Variants in FAM184A observed in about 807,000 individuals in gnomAD.
FAM184A encodes the protein family with sequence similarity 184 member A, also known as protein FAM184A.
A neutral mutation model predicts 143.8 loss-of-function variants in FAM184A; 99 were observed. That is an observed-to-expected ratio of 0.69 (90% confidence interval 0.58 to 0.81). The LOEUF (loss-of-function observed/expected upper bound fraction) is 0.81, where lower values mean the gene tolerates loss of function less well. FAM184A is among the 40% of genes least tolerant of loss of function. FAM184A has a pLI of 0.00. For missense variants in FAM184A, 1,217 were observed against 1,310.5 expected (o/e 0.93, Z 1.10); for synonymous variants, 427 against 446.4 (o/e 0.96, Z 0.55).
intron 1 of FAM184A, among the ~76,000 whole-genome samples, chr6:119,127,891 C>G (rs1453767404): frequency 6.6e-6 from 1 of 152,206 alleles, no homozygotes; most frequent in Non-Finnish European, 1.5e-5. Flanking sequence ...TTGTGTCAAA[C>G]ACTGTGTTAA....
intron 2 of FAM184A, 85 bp downstream of exon 2, chr6:119,023,869 CTAAGT>C: frequency 1.0e-6 from 1 of 993,454 alleles, no homozygotes; most frequent in Non-Finnish European, 1.4e-6. Context: ...GCCACTGATT[CTAAGT>C]GGGCCAGACT....
At chr6:119,031,286 C>T (rs190115735) in intron 1 of FAM184A, 11 of 152,232 alleles carry the variant, frequency 7.2e-5, no homozygotes, top group Admixed American at 2.6e-4. Context: ...TATTTGGAGA[C>T]GGGACCTTTG....
chr6:118,997,665 C>T (rs1247902260), intron 9 of FAM184A, among the ~76,000 whole-genome samples: 1 of 151,968 alleles, frequency 6.6e-6, no homozygotes, highest in East Asian at 1.9e-4. Flanking sequence ...AACTGCACTT[C>T]AGCCTGGGTG....
intron 15 of FAM184A, 72 bp from the exon 16 acceptor site, chr6:118,964,843 G>A (rs561843233): frequency 3.2e-5 from 24 of 750,290 alleles, no homozygotes; most frequent in Middle Eastern, 3.9e-4. Context: ...ATGTATAAAC[G>A]CCATTTCATT....
chr6:119,091,545 G>A (rs1425940621), intron 1 of FAM184A, among the ~76,000 whole-genome samples: 1 of 152,160 alleles, frequency 6.6e-6, no homozygotes, highest in Non-Finnish European at 1.5e-5. Flanking sequence ...GTCTTGTTGT[G>A]CCTCCTTCAC....
chr6:119,062,649 G>C (rs893409867), intron 1 of FAM184A, among the ~76,000 whole-genome samples: 2 of 152,066 alleles, frequency 1.3e-5, no homozygotes, highest in African/African-American at 4.8e-5. Flanking sequence ...GACAGAGAGA[G>C]ACCCTATCTC....
intron 1 of FAM184A, among the ~76,000 whole-genome samples, chr6:119,034,019 A>AAATATAT (rs1562482530): frequency 3.1e-5 from 2 of 63,532 alleles, no homozygotes; most frequent in Non-Finnish European, 5.3e-5. Flanking sequence ...AAAAAAAAAA[A>AAATATAT]ATATATATAT....
At chr6:119,031,705 T>C (rs7740819) in intron 1 of FAM184A, among the ~76,000 whole-genome samples, 19,547 of 152,228 alleles carry the variant, frequency 0.13, 1,466 homozygotes, top group Non-Finnish European at 0.17. Context: ...TGATATATAT[T>C]AGCTTAGTAA....
intron 5 of FAM184A, among the ~76,000 whole-genome samples, chr6:119,015,597 G>A (rs1785219713): frequency 1.3e-5 from 2 of 152,220 alleles, no homozygotes; most frequent in Non-Finnish European, 2.9e-5. Context: ...CGCCATGCCT[G>A]AGCCTTCCCC....
chr6:119,019,928 G>C (rs1401705500), intron 4 of FAM184A, 50 bp downstream of exon 4: 1 of 1,432,420 alleles, frequency 7.0e-7, no homozygotes, highest in Non-Finnish European at 9.3e-7. Flanking sequence ...ATGTGAAAAA[G>C]AGAAAAACGG....
chr6:119,093,932 GA>G (rs1178352422), intron 1 of FAM184A, among the ~76,000 whole-genome samples: 1 of 151,882 alleles, frequency 6.6e-6, no homozygotes, highest in Admixed American at 6.6e-5. Context: ...ATTGAATTTG[GA>G]GCTTGAATTT....
chr6:119,142,336 T>C (rs1015316062), intron 1 of FAM184A, among the ~76,000 whole-genome samples: 1 of 152,158 alleles, frequency 6.6e-6, no homozygotes, highest in Non-Finnish European at 1.5e-5. Context: ...CTGTTTCTTC[T>C]AGGACAAGGA....
At chr6:119,030,796 C>T (rs1455749673) in intron 1 of FAM184A, among the ~76,000 whole-genome samples, 1 of 151,688 alleles carries the variant, frequency 6.6e-6, no homozygotes, top group Non-Finnish European at 1.5e-5. Flanking sequence ...CTTAAAGTCT[C>T]TTTTCATAAA....
intron 1 of FAM184A, among the ~76,000 whole-genome samples, chr6:119,025,231 T>C (rs1009585339): frequency 6.6e-6 from 1 of 152,146 alleles, no homozygotes; most frequent in Non-Finnish European, 1.5e-5. Flanking sequence ...TATATTGGTG[T>C]CCTAGAGATA....
chr6:119,136,592 T>C (rs1289358770), intron 1 of FAM184A, among the ~76,000 whole-genome samples: 1 of 152,194 alleles, frequency 6.6e-6, no homozygotes, highest in Non-Finnish European at 1.5e-5. Flanking sequence ...TTCATTAAAT[T>C]GAAGAAGCAA....
At chr6:119,061,531 C>CTTTTTTTTTTTTTTTTTTTTTTTTTT (rs977029986) in intron 1 of FAM184A, among the ~76,000 whole-genome samples, 2 of 58,532 alleles carry the variant, frequency 3.4e-5, no homozygotes, top group Non-Finnish European at 6.4e-5. Flanking sequence ...AATTATTTTT[C>CTTTTTTTTTTTTTTTTTTTTTTTTTT]TTTTTTTTTT....
intron 1 of FAM184A, among the ~76,000 whole-genome samples, chr6:119,128,502 AG>A (rs1789434498): frequency 1.3e-5 from 2 of 152,198 alleles, no homozygotes; most frequent in African/African-American, 4.8e-5. Context: ...ATGATTAAGC[AG>A]GGGCTCTGTG....
At chr6:119,061,215 T>C (rs1055663361) in intron 1 of FAM184A, among the ~76,000 whole-genome samples, 1 of 152,162 alleles carries the variant, frequency 6.6e-6, no homozygotes, top group African/African-American at 2.4e-5. Context: ...AGTTTACAAG[T>C]TGCGGTATCG....
intron 14 of FAM184A, among the ~76,000 whole-genome samples, chr6:118,970,008 A>ATATTT: frequency 2.1e-4 from 4 of 19,052 alleles, no homozygotes; most frequent in African/African-American, 6.2e-4. Flanking sequence ...ATATATATAT[A>ATATTT]TTTTTTTTTT....
Sources: allele counts gnomAD v4.1 joint callset (sites outside exome capture counted in the v4.1 genomes callset), GRCh38; gene constraint gnomAD v4.1.1; transcripts MANE v1.5; gene names NCBI Gene and HGNC (gene_info 2026-07-23, HGNC 2026-07-21).